BMPR2: variants seen among roughly 807,000 people sequenced by gnomAD.
BMPR2 encodes bone morphogenetic protein receptor type-2.
Under a neutral mutation model 100.8 loss-of-function variants are expected in BMPR2, and 29 were observed. That is an observed-to-expected ratio of 0.29 (90% CI 0.21 to 0.39). The LOEUF is 0.39. Ranked by LOEUF, BMPR2 falls within the 10% of genes least tolerant of loss-of-function variation. BMPR2 has a pLI of 1.00. For synonymous variants in BMPR2, 382 were observed against 442.3 expected, an observed-to-expected ratio of 0.86 and a Z score of 1.71; for missense variants, 1,011 against 1,274.5, an observed-to-expected ratio of 0.79 and a Z score of 3.15.
intron 7 of BMPR2, among the ~76,000 whole-genome samples, chr2:202,524,164 C>T (rs974148317): frequency 1.3e-4 from 20 of 151,904 alleles, no homozygotes; most frequent in African/African-American, 4.8e-4. Context: ...AGATCAAGAC[C>T]ATCCTGGCTA....
chr2:202,491,661 C>G (rs553408485), intron 3 of BMPR2, among the ~76,000 whole-genome samples: 1 of 152,232 alleles, frequency 6.6e-6, no homozygotes, highest in East Asian at 1.9e-4. Context: ...GCCTCAGCCT[C>G]TCAAAGTGCT....
At chr2:202,473,461 T>A (rs1215330451) in intron 3 of BMPR2, among the ~76,000 whole-genome samples, 1 of 147,508 alleles carries the variant, frequency 6.8e-6, no homozygotes. Flanking sequence ...TAAAAAAAAA[T>A]GAACATAAAA....
chr2:202,438,203 C>A (rs952151649), intron 1 of BMPR2, among the ~76,000 whole-genome samples: 1 of 150,384 alleles, frequency 6.6e-6, no homozygotes, highest in Non-Finnish European at 1.5e-5. Flanking sequence ...ATTCCAGCTA[C>A]TCAGGAGGCT....
rs1440434345 is a variant in BMPR2 at position 202,440,490 on chromosome 2, G to T, written c.77-24319G>T. ...CGCTCCTCACTTCCCAGACTGGGCG[G>T]CCAGGCAGAGGGGCTCCTCACATCC... On this transcript the variant is annotated intron_variant, in intron 1 of 12. Coordinates refer to ENST00000374580, the MANE Select transcript of BMPR2 (RefSeq NM_001204.7). Among the ~76,000 whole-genome samples, 2 of 148,550 alleles carry T rather than the reference G, an allele frequency of 1.3e-5. 1 individual carries two copies. Among genetic ancestry groups the T allele is most frequent in the African/African-American group, 5.2e-5 (2 of 38,718 alleles).
At chr2:202,438,258 A>C (rs1306583181) in intron 1 of BMPR2, among the ~76,000 whole-genome samples, 1 of 150,536 alleles carries the variant, frequency 6.6e-6, no homozygotes, top group African/African-American at 2.5e-5. Flanking sequence ...GGTTGCGGTG[A>C]GCCAAGATCA....
chr2:202,432,878 T>C (rs2105932392), intron 1 of BMPR2, among the ~76,000 whole-genome samples: 1 of 150,692 alleles, frequency 6.6e-6, no homozygotes, highest in African/African-American at 2.5e-5. Flanking sequence ...GTCGTTGTTG[T>C]TAACTAAAAT....
rs912120309 is a variant in BMPR2 at position 202,437,048 on chromosome 2, G to A, written c.77-27761G>A. 3.3e-5 allele frequency among the ~76,000 whole-genome samples: 5 copies of A among 150,094 alleles called. 1 individual carries two copies. The highest frequency in any genetic ancestry group is 1.3e-4 in the African/African-American group (5 of 39,672). On this transcript the variant is annotated intron_variant, in intron 1 of 12. Transcript: ENST00000374580. Reference sequence around the variant, plus strand: ...TTTGAGATGGAGTCTCGCTTGGTCCGAGGCTGGAGTGCAGTGGCGTGATCT... The same window carrying A: ...TTTGAGATGGAGTCTCGCTTGGTCCAAGGCTGGAGTGCAGTGGCGTGATCT...
rs546256152 is a variant in BMPR2 at position 202,404,773 on chromosome 2, G to A, written c.76+27223G>A. 1.2e-4 allele frequency among the ~76,000 whole-genome samples: 19 copies of A among 152,120 alleles called. No homozygotes were observed. In the South Asian group the frequency reaches 2.1e-3, roughly 17 times the overall value. ...TACCCAATAGGTGGTTTTTCAACCC[G>A]TGCCCTCTTCCCTCCCTGCTTTTGG... On this transcript the variant is annotated intron_variant, in intron 1 of 12. Transcript: ENST00000374580.
rs1040061555 is a variant in BMPR2 at position 202,556,107 on chromosome 2, C to T, written c.2442C>T (p.His814=). Residue 814 remains histidine (H), a synonymous_variant, in exon 12 of 13, where the codon CAC becomes CAT. Coordinates refer to ENST00000374580, the MANE Select transcript of BMPR2 (RefSeq NM_001204.7). Reference sequence around the variant, plus strand: ...TGAATGGTGTGGCAGGTAGAAACCACAGTGTTAACTCCCATGCTGCCACAA... The same window carrying T: ...TGAATGGTGTGGCAGGTAGAAACCATAGTGTTAACTCCCATGCTGCCACAA... ...VTMNGVAGRN[H]SVNSHAATTQ... 6.2e-7 allele frequency: 1 copy of T among 1,614,146 alleles called. No homozygotes were observed. Among genetic ancestry groups the T allele is most frequent in the Admixed American group, 1.7e-5 (1 of 60,024 alleles).
intron 1 of BMPR2, among the ~76,000 whole-genome samples, chr2:202,440,112 C>CT (rs1298811158): frequency 6.6e-6 from 1 of 150,780 alleles, no homozygotes; most frequent in Non-Finnish European, 1.5e-5. Flanking sequence ...TCTCCCATGT[C>CT]TACTTCTTTC....
intron 3 of BMPR2, among the ~76,000 whole-genome samples, chr2:202,485,462 T>C (rs1692753773): frequency 6.6e-6 from 1 of 151,732 alleles, no homozygotes; most frequent in Admixed American, 6.6e-5. Flanking sequence ...GTTCCTCGGT[T>C]TGTAGCTGCG....
intron 1 of BMPR2, among the ~76,000 whole-genome samples, chr2:202,426,078 C>T (rs910231466): frequency 2.6e-5 from 4 of 152,230 alleles, no homozygotes; most frequent in Non-Finnish European, 5.9e-5. Flanking sequence ...CATCCTTAAA[C>T]AAAGAAATGC....
Position 202,439,557 on chromosome 2 carries a change from A to G in BMPR2, c.77-25252A>G, listed in dbSNP as rs1362553377. 4.7e-5 allele frequency among the ~76,000 whole-genome samples: 7 copies of G among 149,044 alleles called. 1 individual carries two copies. The highest frequency in any genetic ancestry group is 7.4e-5 in the Non-Finnish European group (5 of 67,800). On this transcript the variant is annotated intron_variant, in intron 1 of 12. Transcript: ENST00000374580. ...TCCTTTCTAATCTGTATGTCTTTTTATTTCATTGTTCTTTTTCTTTCTTCT... is the reference window on the plus strand; with the variant it reads ...TCCTTTCTAATCTGTATGTCTTTTTGTTTCATTGTTCTTTTTCTTTCTTCT...
chr2:202,489,417 T>G (rs1171299378), intron 3 of BMPR2, among the ~76,000 whole-genome samples: 1 of 152,178 alleles, frequency 6.6e-6, no homozygotes, highest in African/African-American at 2.4e-5. Context: ...AAGACAATTA[T>G]AAAAGTAAAG....
rs1188680195 is a variant in BMPR2, at chr2:202,474,084, G to T, written c.418+6395G>T. Among the ~76,000 whole-genome samples the T allele has an allele frequency of 2.0e-5, 3 of 149,764 alleles. No homozygotes were observed. The East Asian group carries it at 6.1e-4, about 30-fold the overall frequency. On this transcript the variant is annotated intron_variant, in intron 3 of 12. Coordinates refer to ENST00000374580, the MANE Select transcript of BMPR2 (RefSeq NM_001204.7). ...CATGCCACTGCACTCCAGCCTGGGC[G>T]ACAGAGCGAGACTCTGTCTCACCAA... is the stretch of plus-strand genomic sequence containing the variant.
intron 3 of BMPR2, among the ~76,000 whole-genome samples, chr2:202,513,084 C>A (rs1018643886): frequency 6.6e-6 from 1 of 151,858 alleles, no homozygotes; most frequent in Non-Finnish European, 1.5e-5. Context: ...CCTGCCATAG[C>A]CCCCTGAGTA....
chr2:202,408,954 T>G (rs1690954778), intron 1 of BMPR2, among the ~76,000 whole-genome samples: 1 of 152,178 alleles, frequency 6.6e-6, no homozygotes, highest in African/African-American at 2.4e-5. Context: ...ATATCAGGAG[T>G]AGTGTGAGTG....
intron 1 of BMPR2, among the ~76,000 whole-genome samples, chr2:202,413,044 G>A (rs149685451): frequency 1.3e-5 from 2 of 152,212 alleles, no homozygotes; most frequent in African/African-American, 4.8e-5. Flanking sequence ...TGTTTTTGTA[G>A]TCATATAAGG....
intron 3 of BMPR2, among the ~76,000 whole-genome samples, chr2:202,513,427 A>G (rs934676553): frequency 4.6e-5 from 7 of 152,194 alleles, no homozygotes; most frequent in Admixed American, 2.0e-4. Flanking sequence ...GACTCTTGAT[A>G]TTATACTATC....
Sources: gnomAD v4.1 joint callset for allele counts (sites outside exome capture counted in the v4.1 genomes callset) on GRCh38, gnomAD v4.1.1 for gene constraint, MANE v1.5 for transcripts, NCBI Gene and HGNC (gene_info 2026-07-23, HGNC 2026-07-21) for gene names.